Variants in SNX27 observed in about 807,000 individuals in gnomAD.
SNX27 encodes sorting nexin 27.
Under a neutral mutation model 71.6 loss-of-function variants are expected in SNX27, and 22 were observed. The observed-to-expected ratio is 0.31, with a 90% confidence interval of 0.22 to 0.44. The LOEUF is 0.44. Among genes scored for constraint, SNX27 ranks in the 20% least tolerant of loss-of-function variants. The pLI, the probability that SNX27 is intolerant of heterozygous loss-of-function variation, is 1.00. For synonymous variants in SNX27, 269 were observed against 277.2 expected (o/e 0.97, Z 0.29); for missense variants, 531 against 698.6 (o/e 0.76, Z 2.70).
Position 151,639,038 on chromosome 1 carries a change from T to G in SNX27, c.462T>G (p.Phe154Leu). The G allele has an allele frequency of 6.2e-7, 1 of 1,614,190 alleles. No homozygotes were observed. Among genetic ancestry groups the G allele is most frequent in the Non-Finnish European group, 8.5e-7 (1 of 1,180,028 alleles). The change falls in exon 2 of 12, where the codon TTT becomes TTG. Residue 154 changes from phenylalanine (F) to leucine (L), a missense_variant. This residue lies in a region of SNX27 where 47 missense variants were observed against 41.4 expected (regional missense o/e 1.13). Transcript: ENST00000458013. ...GTGACGACTCGTTGGGACAATCATT[T>G]TATGATTACACAGAAAAGCAAGCAG... ...DPSDDSLGQS[F>L]YDYTEKQAVP...
At chr1:151,617,936 G>A (rs1667502215) in intron 1 of SNX27, among the ~76,000 whole-genome samples, 1 of 127,406 alleles carries the variant, frequency 7.8e-6, no homozygotes, top group Non-Finnish European at 1.6e-5. Flanking sequence ...TGCCCAGGCT[G>A]TACTTGAATT....
Position 151,694,506 on chromosome 1 carries a change from GA to G in SNX27, c.*91del, listed in dbSNP as rs1189538930. On this transcript the variant is annotated 3_prime_UTR_variant, in exon 12 of 12. Coordinates refer to ENST00000458013, the MANE Select transcript of SNX27 (RefSeq NM_001330723.2). ...AGACAGAGTAACCATTAACAAAAAA[GA>G]AGAGAAAAAGTTAAAGTCGTTATAT... is the stretch of plus-strand genomic sequence containing the variant. 7.4e-7 allele frequency: 1 copy of G among 1,345,654 alleles called. No individual in the cohort carries two copies. The highest frequency in any genetic ancestry group is 1.5e-5 in the African/African-American group (1 of 66,454). 83.4% of individuals were successfully genotyped at this position (1,345,654 alleles called of 1,614,324 possible).
At chr1:151,650,500 C>T (rs1039462398) in intron 2 of SNX27, among the ~76,000 whole-genome samples, 20 of 152,042 alleles carry the variant, frequency 1.3e-4, no homozygotes, top group Non-Finnish European at 2.8e-4. Context: ...TTTTCTCTTG[C>T]CTTTCTGGAG....
At chr1:151,681,741 CTCCCTG>C (rs1287277652) in intron 7 of SNX27, among the ~76,000 whole-genome samples, 3 of 152,124 alleles carry the variant, frequency 2.0e-5, no homozygotes, top group Non-Finnish European at 2.9e-5. Context: ...CTTATTTTAG[CTCCCTG>C]TTGTTTATTT....
At chr1:151,651,086 C>T (rs1430476334) in intron 2 of SNX27, among the ~76,000 whole-genome samples, 26 of 152,186 alleles carry the variant, frequency 1.7e-4, no homozygotes, top group Non-Finnish European at 3.1e-4. Context: ...CCGCCATTGT[C>T]ATCCTGGCCC....
chr1:151,685,799 C>G (rs1671172480), intron 8 of SNX27, among the ~76,000 whole-genome samples: 1 of 152,214 alleles, frequency 6.6e-6, no homozygotes, highest in South Asian at 2.1e-4. Context: ...TAATAAATCT[C>G]TATACCTTAG....
intron 5 of SNX27, 45 bp from the exon 6 acceptor site, chr1:151,665,888 T>A (rs1376048097): frequency 6.6e-7 from 1 of 1,506,854 alleles, no homozygotes; most frequent in East Asian, 2.3e-5. Flanking sequence ...TACAGCATTG[T>A]CTGACTTAAT....
intron 2 of SNX27, among the ~76,000 whole-genome samples, chr1:151,650,650 G>C (rs185044743): frequency 5.9e-5 from 9 of 151,906 alleles, no homozygotes; most frequent in African/African-American, 2.2e-4. Flanking sequence ...TTTCTCACAG[G>C]GGGGATTTGG....
At chr1:151,630,110 CAA>C (rs200240392) in intron 1 of SNX27, among the ~76,000 whole-genome samples, 2 of 133,406 alleles carry the variant, frequency 1.5e-5, no homozygotes. Flanking sequence ...GACTTTGTCT[CAA>C]AAAAAAAAAA....
rs745946161 is a variant in SNX27 at position 151,694,350 on chromosome 1, CT to C, written c.1579-9del. ...GAGGAGATGTGCCTTCCCAATAACT[CT>C]TTTTTTTTTTCCTTTCAGAACATTT... is the stretch of plus-strand genomic sequence containing the variant. On this transcript the variant is annotated intron_variant, in intron 11 of 11. Coordinates refer to ENST00000458013, the MANE Select transcript of SNX27 (RefSeq NM_001330723.2). 23,859 of 943,666 alleles carry C rather than the reference CT, an allele frequency of 0.025. No homozygotes were observed. The highest frequency in any genetic ancestry group is 0.063 in the South Asian group (2,845 of 44,876). The allele number at this position is 943,666 out of a possible 1,614,324, so 58.5% of individuals were successfully genotyped here. A position where few individuals can be genotyped will look rare whatever the true frequency, so the allele number is the denominator to read the frequency against.
At chr1:151,685,453 G>C (rs948683047) in intron 8 of SNX27, 1 of 152,078 alleles carries the variant, frequency 6.6e-6, no homozygotes, top group African/African-American at 2.4e-5. Context: ...AGGCTGAGGC[G>C]GGTGGATCAC....
At chr1:151,660,222 T>G (rs1301211125) in intron 3 of SNX27, 1 of 150,864 alleles carries the variant, frequency 6.6e-6, no homozygotes, top group Non-Finnish European at 1.5e-5. Flanking sequence ...TGCTTTCCTA[T>G]CCCATCACGT....
chr1:151,692,672 G>A, intron 9 of SNX27, 88 bp downstream of exon 9: 1 of 1,538,456 alleles, frequency 6.5e-7, no homozygotes, highest in Non-Finnish European at 8.8e-7. Context: ...CATTTTAGGG[G>A]GAAATGAAAT....
At chr1:151,681,000 A>G (rs1166586408) in intron 7 of SNX27, among the ~76,000 whole-genome samples, 3 of 152,166 alleles carry the variant, frequency 2.0e-5, no homozygotes, top group African/African-American at 7.2e-5. Context: ...TAATCTTTCT[A>G]TTAGTCACTT....
chr1:151,651,483 G>A (rs1669368971), intron 2 of SNX27, among the ~76,000 whole-genome samples: 1 of 150,188 alleles, frequency 6.7e-6, no homozygotes, highest in Non-Finnish European at 1.5e-5. Context: ...TCACTTCTCA[G>A]ACGAGGCGGT....
At position 151,660,792 on chromosome 1, in the gene SNX27, C is replaced by T. The variant is rs1030343321; in HGVS notation, c.737-6C>T. 3.1e-6 allele frequency: 5 copies of T among 1,608,098 alleles called. No individual in the cohort carries two copies. The highest frequency in any genetic ancestry group is 1.3e-5 in the African/African-American group (1 of 74,802). The stretch of plus-strand genomic sequence containing the variant: ...TTATGCCAGATTTTATCTTTATTTT[C>T]TACAGTGTGTTCAATACGAGTAATT... On this transcript the variant is annotated splice_region_variant and splice_polypyrimidine_tract_variant and intron_variant, in intron 3 of 11. Transcript: ENST00000458013.
Position 151,698,147 on chromosome 1 carries a change from C to T in SNX27, c.*3730C>T, listed in dbSNP as rs1421963767. The T allele has an allele frequency of 6.6e-6, 1 of 152,588 alleles. No homozygotes were observed. Among genetic ancestry groups the T allele is most frequent in the African/African-American group, 2.4e-5 (1 of 41,426 alleles). 9.5% of individuals were successfully genotyped at this position (152,588 alleles called of 1,614,324 possible). ...AATTAGATAAATATTCCAACATCCT[C>T]ATGCCTGGCCCATTTAGTTTCATCC... is the stretch of plus-strand genomic sequence containing the variant. On this transcript the variant is annotated 3_prime_UTR_variant, in exon 12 of 12. Transcript: ENST00000458013.
intron 2 of SNX27, among the ~76,000 whole-genome samples, chr1:151,642,248 G>C (rs60187140): frequency 1.3e-5 from 2 of 151,654 alleles, no homozygotes; most frequent in African/African-American, 4.8e-5. Flanking sequence ...TTAGCCGGGC[G>C]TGGTGGCAGG....
intron 7 of SNX27, chr1:151,679,251 A>T (rs141544177): frequency 6.6e-6 from 1 of 152,240 alleles, no homozygotes; most frequent in Non-Finnish European, 1.5e-5. Context: ...CTGATACATC[A>T]TTGATTGTAA....
Sources: gnomAD v4.1 joint callset for allele counts (sites outside exome capture counted in the v4.1 genomes callset) on GRCh38, gnomAD v4.1.1 for gene constraint, gnomAD v4.1.1 regional missense constraint, MANE v1.5 for transcripts, NCBI Gene and HGNC (gene_info 2026-07-23, HGNC 2026-07-21) for gene names.